The following OPRD1 variants were observed in gnomAD, a reference collection of about 807,000 sequenced individuals.
OPRD1 encodes the protein opioid receptor delta 1.
Under a neutral mutation model 17.5 loss-of-function variants are expected in OPRD1, and 19 were observed. That is an observed-to-expected ratio of 1.09 (90% confidence interval 0.76 to 1.60). OPRD1 has a LOEUF of 1.60. Ranked by LOEUF, OPRD1 falls within the 40% of genes most tolerant of loss-of-function variation. OPRD1 has a pLI of 0.00. For missense variants in OPRD1, 483 were observed against 547.2 expected (o/e 0.88, Z 1.17); for synonymous variants, 256 against 240.9 (o/e 1.06, Z -0.58).
At position 28,864,419 on chromosome 1, in the gene OPRD1, G is replaced by C. The variant is rs930035692; in HGVS notation, c.*1136G>C. On this transcript the variant is annotated 3_prime_UTR_variant, in exon 3 of 3. Coordinates refer to ENST00000234961, the MANE Select transcript of OPRD1 (RefSeq NM_000911.4). ...GGGGCTTGGGACAGGACAGCAGAGCGGGGGGCAGCCACTCCAGGATAGGGT... is the reference window on the plus strand; with the variant it reads ...GGGGCTTGGGACAGGACAGCAGAGCCGGGGGCAGCCACTCCAGGATAGGGT... The C allele has an allele frequency of 1.3e-5, 2 of 152,784 alleles. No individual in the cohort carries two copies. The highest frequency in any genetic ancestry group is 4.1e-4 in the South Asian group (2 of 4,832). The allele number at this position is 152,784 out of a possible 1,614,324, so 9.5% of individuals were successfully genotyped here.
Position 28,868,993 on chromosome 1 carries a change from A to AC in OPRD1, c.*5712dup, listed in dbSNP as rs1249363268. Reference sequence around the variant, plus strand: ...TCTTTGTGTCAGCCGCAGATCCCTCACCTAGGGCATGACTACTGGCTGCCA... The same window carrying AC: ...TCTTTGTGTCAGCCGCAGATCCCTCACCCTAGGGCATGACTACTGGCTGCCA... On this transcript the variant is annotated 3_prime_UTR_variant, in exon 3 of 3. Coordinates refer to ENST00000234961, the MANE Select transcript of OPRD1 (RefSeq NM_000911.4). The AC allele has an allele frequency of 2.6e-5, 4 of 152,028 alleles. No homozygotes were observed. The highest frequency in any genetic ancestry group is 5.9e-5 in the Non-Finnish European group (4 of 68,066). The allele number at this position is 152,028 out of a possible 1,614,324, so 9.4% of individuals were successfully genotyped here.
intron 1 of OPRD1, among the ~76,000 whole-genome samples, chr1:28,846,801 T>C (rs1182770837): frequency 6.6e-6 from 1 of 151,486 alleles, no homozygotes; most frequent in African/African-American, 2.4e-5. Context: ...CAGAGTTGTA[T>C]CACATGGAGG....
intron 1 of OPRD1, among the ~76,000 whole-genome samples, chr1:28,812,873 C>CCTTGCTT (rs142483128): frequency 0.049 from 7,409 of 152,246 alleles, 210 homozygotes; most frequent in Middle Eastern, 0.099. Context: ...GTTGGCATCC[C>CCTTGCTT]CTTGCTTCTT....
Position 28,862,960 on chromosome 1 carries a change from G to T in OPRD1, c.796G>T (p.Val266Phe). ...GCGCATCACGCGCATGGTGCTGGTG[G>T]TTGTGGGCGCCTTCGTGGTGTGTTG... ...LRRITRMVLV[V>F]VGAFVVCWAP... Residue 266 changes from valine (V) to phenylalanine (F), a missense_variant, in exon 3 of 3, where the codon GTT becomes TTT. By Grantham distance (50) the Val-to-Phe change is conservative (BLOSUM62 -1). Transcript: ENST00000234961. The T allele has an allele frequency of 6.2e-7, 1 of 1,612,324 alleles. No homozygotes were observed. The highest frequency in any genetic ancestry group is 8.5e-7 in the Non-Finnish European group (1 of 1,179,470).
chr1:28,833,247 C>T (rs182833291), intron 1 of OPRD1, among the ~76,000 whole-genome samples: 41 of 152,320 alleles, frequency 2.7e-4, no homozygotes, highest in African/African-American at 8.4e-4. Context: ...ACAGCAAAGC[C>T]CCCCATGTGA....
chr1:28,819,640 G>T (rs1003920565), intron 1 of OPRD1, among the ~76,000 whole-genome samples: 4 of 152,320 alleles, frequency 2.6e-5, no homozygotes, highest in African/African-American at 9.6e-5. Context: ...GGGACAAGAA[G>T]GCTCAGAGGG....
At chr1:28,837,642 G>A (rs204052) in intron 1 of OPRD1, among the ~76,000 whole-genome samples, 145,579 of 151,352 alleles carry the variant, frequency 0.96, 70,047 homozygotes, top group East Asian at 1. Flanking sequence ...GTGAGATTCC[G>A]TCTCAAAAAA....
chr1:28,851,046 G>A (rs1420090623), intron 1 of OPRD1, among the ~76,000 whole-genome samples: 8 of 152,016 alleles, frequency 5.3e-5, no homozygotes, highest in Admixed American at 2.6e-4. Context: ...GGAGCTGCCA[G>A]TTCACCTAGG....
At chr1:28,841,323 C>G (rs1270849985) in intron 1 of OPRD1, among the ~76,000 whole-genome samples, 2 of 152,228 alleles carry the variant, frequency 1.3e-5, no homozygotes, top group Non-Finnish European at 2.9e-5. Flanking sequence ...TGGGCCCATC[C>G]CCAGCCCAGC....
At chr1:28,842,183 C>T (rs951207376) in intron 1 of OPRD1, among the ~76,000 whole-genome samples, 32 of 152,130 alleles carry the variant, frequency 2.1e-4, no homozygotes, top group African/African-American at 6.0e-4. Flanking sequence ...GCATGCGCCA[C>T]CACGCCCAGC....
At chr1:28,817,174 T>G (rs1245976641) in intron 1 of OPRD1, among the ~76,000 whole-genome samples, 1 of 152,176 alleles carries the variant, frequency 6.6e-6, no homozygotes, top group African/African-American at 2.4e-5. Context: ...TCTCCTTGTA[T>G]CAAATGCTGG....
At chr1:28,847,728 G>T (rs956459821) in intron 1 of OPRD1, among the ~76,000 whole-genome samples, 1 of 152,068 alleles carries the variant, frequency 6.6e-6, no homozygotes, top group Non-Finnish European at 1.5e-5. Context: ...CAGCTACTTG[G>T]GAGACTGAGG....
intron 1 of OPRD1, among the ~76,000 whole-genome samples, chr1:28,831,102 C>T (rs552507370): frequency 6.6e-6 from 1 of 152,258 alleles, no homozygotes; most frequent in Non-Finnish European, 1.5e-5. Context: ...GGAAATACCC[C>T]ACATCTAGTG....
intron 1 of OPRD1, among the ~76,000 whole-genome samples, chr1:28,818,663 A>G (rs765233694): frequency 1.3e-5 from 2 of 152,174 alleles, no homozygotes; most frequent in Non-Finnish European, 2.9e-5. Context: ...CCTTCTTACC[A>G]TAGTGTCAAA....
intron 1 of OPRD1, among the ~76,000 whole-genome samples, chr1:28,837,919 A>G (rs1028827682): frequency 6.7e-6 from 1 of 149,842 alleles, no homozygotes; most frequent in Non-Finnish European, 1.5e-5. Context: ...ATTTCCAAAT[A>G]GTGTCACATT....
intron 1 of OPRD1, among the ~76,000 whole-genome samples, chr1:28,820,748 C>T (rs1302197238): frequency 6.6e-6 from 1 of 151,874 alleles, no homozygotes; most frequent in Non-Finnish European, 1.5e-5. Flanking sequence ...AACCCAGAAA[C>T]TCAAGGTGAC....
intron 1 of OPRD1, among the ~76,000 whole-genome samples, chr1:28,819,727 A>G (rs1314391812): frequency 6.6e-6 from 1 of 152,140 alleles, no homozygotes; most frequent in Non-Finnish European, 1.5e-5. Flanking sequence ...AAATCACTCC[A>G]TGTTTCCATC....
intron 1 of OPRD1, among the ~76,000 whole-genome samples, chr1:28,829,494 G>A (rs1181374680): frequency 1.3e-5 from 2 of 151,350 alleles, no homozygotes; most frequent in African/African-American, 4.9e-5. Flanking sequence ...TCAGCCTCCT[G>A]AGTAGCTGGG....
At position 28,863,176 on chromosome 1, in the gene OPRD1, G is replaced by A. The variant is rs2089141313; in HGVS notation, c.1012G>A (p.Gly338Ser). 2 of 1,599,522 alleles carry A rather than the reference G, an allele frequency of 1.3e-6. No homozygotes were observed. The highest frequency in any genetic ancestry group is 2.2e-5 in the South Asian group (2 of 90,158). ...CFRQLCRKPC[G>S]RPDPSSFSRA... is the part of the protein sequence containing the mutation. ...CCGCCAGCTCTGCCGCAAGCCCTGC[G>A]GCCGCCCAGACCCCAGCAGCTTCAG... The change falls in exon 3 of 3, where the codon GGC becomes AGC. Residue 338 changes from glycine (G) to serine (S), a missense_variant. Coordinates refer to ENST00000234961, the MANE Select transcript of OPRD1 (RefSeq NM_000911.4).
Sources: allele counts gnomAD v4.1 joint callset (sites outside exome capture counted in the v4.1 genomes callset), GRCh38; gene constraint gnomAD v4.1.1; transcripts MANE v1.5; gene names NCBI Gene and HGNC (gene_info 2026-07-23, HGNC 2026-07-21).